Variants in SGSM3 observed in about 807,000 individuals in gnomAD.
SGSM3 encodes the protein small G protein signaling modulator 3.
A neutral mutation model predicts 100.5 loss-of-function variants in SGSM3; 96 were observed. The ratio of observed to expected loss-of-function variants is 0.96; its 90% confidence interval spans 0.81 to 1.13. The LOEUF (loss-of-function observed/expected upper bound fraction) is 1.13. Ranked by LOEUF, SGSM3 falls within the 50% of genes most tolerant of loss-of-function variation. SGSM3 has a pLI of 0.00. For synonymous variants in SGSM3, 483 were observed against 422.8 expected, an observed-to-expected ratio of 1.14 and a Z score of -1.75; for missense variants, 1,001 against 1,015.8, an observed-to-expected ratio of 0.99 and a Z score of 0.20.
Position 40,405,278 on chromosome 22 carries a change from C to T in SGSM3, c.612C>T (p.Thr204=), listed in dbSNP as rs138739143. Residue 204 remains threonine (T), a synonymous_variant, in exon 7 of 22, where the codon ACC becomes ACT. Transcript: ENST00000248929. ...LYPEIGYCQG[T]GMVAACLLLF... is the part of the protein sequence containing the mutation. ...CAGAGATCGGCTACTGCCAGGGCAC[C>T]GGCATGGTGAGCACAGCCCCAGAAA... 3.4e-4 allele frequency: 507 copies of T among 1,506,356 alleles called. 1 individual carries two copies. Among genetic ancestry groups the T allele is most frequent in the Admixed American group, 4.0e-4 (18 of 44,808 alleles). 93.3% of individuals were successfully genotyped at this position (1,506,356 alleles called of 1,614,324 possible). A position where few individuals can be genotyped will look rare whatever the true frequency, so the allele number is the denominator to read the frequency against.
At chr22:40,388,122 T>C (rs2048768295) in intron 1 of SGSM3, 1 of 152,154 alleles carries the variant, frequency 6.6e-6, no homozygotes, top group African/African-American at 2.4e-5. Flanking sequence ...GAGTTCAAGG[T>C]AGAGTGTGAT....
In SGSM3 at chr22:40,406,889, G is replaced by A. The variant is rs186166271; in HGVS notation, c.1186-128G>A. 639 of 1,055,982 alleles carry A rather than the reference G, an allele frequency of 6.1e-4. 9 individuals carry two copies. The East Asian group carries it at 0.016, about 27-fold the overall frequency. 65.4% of individuals were successfully genotyped at this position (1,055,982 alleles called of 1,614,324 possible). A position where few individuals can be genotyped will look rare whatever the true frequency, so the allele number is the denominator to read the frequency against. On this transcript the variant is annotated intron_variant, in intron 10 of 21. Transcript: ENST00000248929. ...TTGGGAGGAAGGCAGACCCAGCTCT[G>A]ATTATCTGTTTTCAATTCTTGGAGC...
intron 1 of SGSM3, among the ~76,000 whole-genome samples, chr22:40,390,031 G>T (rs1243190292): frequency 6.6e-6 from 1 of 152,000 alleles, no homozygotes; most frequent in Admixed American, 6.6e-5. Context: ...GCAGATATGT[G>T]AAATAAAGAG....
chr22:40,397,146 C>G (rs549541266), intron 1 of SGSM3, among the ~76,000 whole-genome samples: 1 of 152,190 alleles, frequency 6.6e-6, no homozygotes, highest in Non-Finnish European at 1.5e-5. Context: ...GCCCACCCAG[C>G]TTAACAATTC....
intron 1 of SGSM3, among the ~76,000 whole-genome samples, chr22:40,375,492 A>T (rs1013668521): frequency 6.6e-6 from 1 of 151,956 alleles, no homozygotes; most frequent in African/African-American, 2.4e-5. Flanking sequence ...AGGCAGGAGA[A>T]TCACTTGAAC....
chr22:40,380,155 T>C (rs1388036720), intron 1 of SGSM3, among the ~76,000 whole-genome samples: 2 of 152,162 alleles, frequency 1.3e-5, no homozygotes, highest in African/African-American at 4.8e-5. Flanking sequence ...TGAAGTGCTG[T>C]CCAAGAGAAC....
intron 1 of SGSM3, among the ~76,000 whole-genome samples, chr22:40,377,845 C>CAAA (rs35941683): frequency 8.1e-5 from 5 of 61,610 alleles, no homozygotes; most frequent in Non-Finnish European, 1.4e-4. Context: ...GACCCTGTCT[C>CAAA]AAAAAAAAAA....
chr22:40,410,027 A>G lies in SGSM3; in HGVS notation c.*268A>G, dbSNP rs867379855. 6.8e-6 allele frequency: 9 copies of G among 1,319,882 alleles called. No homozygotes were observed. The African/African-American group carries it at 1.2e-4, about 18-fold the overall frequency. 81.8% of individuals were successfully genotyped at this position (1,319,882 alleles called of 1,614,324 possible). On this transcript the variant is annotated 3_prime_UTR_variant, in exon 22 of 22. Transcript: ENST00000248929. ...AGGTGGGGGAGCCATGTCTGTGCTC[A>G]GGAAGAGGGAAGGGGATGGGGGTGG...
At chr22:40,387,120 G>A (rs2048592987) in intron 1 of SGSM3, 1 of 395,358 alleles carries the variant, frequency 2.5e-6, no homozygotes, top group Non-Finnish European at 4.4e-6. Flanking sequence ...CTGCTGAGGG[G>A]TCAGTCCTTT....
chr22:40,382,082 C>T (rs1012850681), intron 1 of SGSM3, among the ~76,000 whole-genome samples: 1 of 152,018 alleles, frequency 6.6e-6, no homozygotes, highest in African/African-American at 2.4e-5. Context: ...GGGTGTGACA[C>T]AGAGTAAGCA....
At chr22:40,374,249 G>A (rs1261778642) in intron 1 of SGSM3, among the ~76,000 whole-genome samples, 1 of 152,204 alleles carries the variant, frequency 6.6e-6, no homozygotes, top group Non-Finnish European at 1.5e-5. Context: ...ACCGTGCCCA[G>A]CCAATAGGGC....
intron 4 of SGSM3, among the ~76,000 whole-genome samples, chr22:40,402,407 C>T (rs1311068295): frequency 6.6e-6 from 1 of 152,150 alleles, no homozygotes; most frequent in Non-Finnish European, 1.5e-5. Flanking sequence ...TACTGATCCT[C>T]ACCTGACAGT....
intron 1 of SGSM3, among the ~76,000 whole-genome samples, chr22:40,383,233 C>T (rs559557540): frequency 1.3e-5 from 2 of 152,008 alleles, no homozygotes; most frequent in Admixed American, 6.5e-5. Context: ...TTTGGGAGGC[C>T]GAGGCGGGCA....
At chr22:40,398,077 C>T (rs750686212) in intron 1 of SGSM3, among the ~76,000 whole-genome samples, 3 of 150,028 alleles carry the variant, frequency 2.0e-5, no homozygotes, top group Non-Finnish European at 4.4e-5. Flanking sequence ...AAGTGATTCT[C>T]CTGCCTCGGC....
chr22:40,374,339 A>C (rs573936478), intron 1 of SGSM3, among the ~76,000 whole-genome samples: 1 of 152,300 alleles, frequency 6.6e-6, no homozygotes, highest in South Asian at 2.1e-4. Context: ...AGAAAGCTTA[A>C]ATTGGTCTAG....
intron 1 of SGSM3, among the ~76,000 whole-genome samples, chr22:40,389,786 T>A (rs1256827717): frequency 1.5e-5 from 2 of 137,124 alleles, no homozygotes; most frequent in African/African-American, 5.5e-5. Flanking sequence ...TGCCTGTAAT[T>A]CCAGCTACTC....
At chr22:40,392,311 T>G (rs977991722) in intron 1 of SGSM3, among the ~76,000 whole-genome samples, 2 of 152,156 alleles carry the variant, frequency 1.3e-5, no homozygotes, top group African/African-American at 2.4e-5. Flanking sequence ...GGCTTTTTTT[T>G]TTTTTCAGCA....
intron 1 of SGSM3, among the ~76,000 whole-genome samples, chr22:40,373,949 T>C (rs904202738): frequency 2.0e-5 from 3 of 150,408 alleles, no homozygotes; most frequent in Non-Finnish European, 4.4e-5. Context: ...TTTTTATTTA[T>C]TTTATTTATT....
Position 40,404,614 on chromosome 22 carries a change from C to A in SGSM3, c.424C>A (p.Arg142Ser), listed in dbSNP as rs374291042. 1.2e-6 allele frequency: 2 copies of A among 1,613,680 alleles called. No homozygotes were observed. The highest frequency in any genetic ancestry group is 3.3e-5 in the Admixed American group (2 of 60,002). ...QKKRNSELSY[R>S]EIVKNSSNDE... ...GAAGAGGAACTCTGAGCTGTCCTAC[C>A]GCGAGATTGTGAAGAACAGCTCCAA... Residue 142 changes from arginine to serine, a missense_variant, in exon 6 of 22, where the codon CGC (arginine) becomes AGC (serine). Arg to Ser is a moderately radical substitution (Grantham distance 110). Coordinates refer to ENST00000248929, the MANE Select transcript of SGSM3 (RefSeq NM_015705.6).
Sources: gnomAD v4.1 joint callset for allele counts (sites outside exome capture counted in the v4.1 genomes callset) on GRCh38, gnomAD v4.1.1 for gene constraint, MANE v1.5 for transcripts, NCBI Gene and HGNC (gene_info 2026-07-23, HGNC 2026-07-21) for gene names.